The following TPD52 variants were observed in gnomAD, a reference collection of about 807,000 sequenced individuals.
The protein encoded by TPD52 is tumor protein D52, also known as prostate and colon associated protein.
A neutral mutation model predicts 31.3 loss-of-function variants in TPD52; 17 were observed. That is an observed-to-expected ratio of 0.54 (90% CI 0.37 to 0.82). The LOEUF is 0.82. TPD52 is among the 40% of genes least tolerant of loss of function. TPD52 has a pLI of 0.00. For synonymous variants in TPD52, 83 were observed against 89.6 expected (o/e 0.93, Z 0.42); for missense variants, 212 against 240.1 (o/e 0.88, Z 0.77).
chr8:80,034,876 G>T lies in TPD52; in HGVS notation c.*3240C>A, dbSNP rs1214546229. 1 of 152,200 alleles carries T rather than the reference G, an allele frequency of 6.6e-6. No individual in the cohort carries two copies. Among genetic ancestry groups the T allele is most frequent in the Non-Finnish European group, 1.5e-5 (1 of 68,036 alleles). 9.4% of individuals were successfully genotyped at this position (152,200 alleles called of 1,614,324 possible). On this transcript the variant is annotated 3_prime_UTR_variant, in exon 8 of 8. Coordinates refer to ENST00000518937, the MANE Select transcript of TPD52 (RefSeq NM_001025253.3). ...ATGAGAGCTGGCAAGAATTTTAGTT[G>T]CCAAATAGCATTTATTTGAGTACAA...
Position 80,060,081 on chromosome 8 carries a change from T to C in TPD52, c.135+4397A>G, listed in dbSNP as rs532876425. On this transcript the variant is annotated intron_variant, in intron 2 of 7. Coordinates refer to ENST00000518937, the MANE Select transcript of TPD52 (RefSeq NM_001025253.3). ...ACCTGGGTGACAGAGCAAGACTCCA[T>C]CTCAAAAAAAAAAAAGAAAAGAAAA... 3.1e-5 allele frequency among the ~76,000 whole-genome samples: 4 copies of C among 127,386 alleles called. No individual in the cohort carries two copies. In the East Asian group the frequency reaches 8.9e-4, roughly 28 times the overall value. 83.6% of individuals were successfully genotyped at this position (127,386 alleles called of 152,430 possible).
chr8:80,070,464 A>T (rs903773412), intron 1 of TPD52, among the ~76,000 whole-genome samples: 2 of 152,146 alleles, frequency 1.3e-5, no homozygotes, highest in Non-Finnish European at 2.9e-5. Context: ...TTTTGAGAGG[A>T]AACTGTTCCA....
intron 1 of TPD52, among the ~76,000 whole-genome samples, chr8:80,082,865 G>T (rs1217401088): frequency 6.6e-6 from 1 of 152,208 alleles, no homozygotes; most frequent in Admixed American, 6.5e-5. Flanking sequence ...TAATAAATGT[G>T]AGCATTTCAA....
chr8:80,105,335 CT>C (rs905706797), intron 1 of TPD52, among the ~76,000 whole-genome samples: 18 of 152,302 alleles, frequency 1.2e-4, no homozygotes, highest in Admixed American at 1.1e-3. Context: ...AGATCCACCC[CT>C]GACCTAATCG....
chr8:80,052,123 CT>C (rs1366689315), intron 3 of TPD52, among the ~76,000 whole-genome samples: 2 of 152,182 alleles, frequency 1.3e-5, no homozygotes, highest in Non-Finnish European at 1.5e-5. Flanking sequence ...TATGGGCATA[CT>C]TTCTAAAAAT....
At chr8:80,053,213 C>T (rs987619388) in intron 3 of TPD52, 69 bp downstream of exon 3, 141 of 1,510,064 alleles carry the variant, frequency 9.3e-5, no homozygotes, top group Admixed American at 3.7e-4. Flanking sequence ...TTTTCTTCCC[C>T]TCTCCAGACA....
At chr8:80,066,505 C>A (rs1397030596) in intron 1 of TPD52, among the ~76,000 whole-genome samples, 2 of 152,196 alleles carry the variant, frequency 1.3e-5, no homozygotes, top group Admixed American at 6.5e-5. Context: ...TTCCGCAGGT[C>A]TTCCTCTAAA....
chr8:80,076,013 A>T (rs1814493699), intron 1 of TPD52, among the ~76,000 whole-genome samples: 1 of 152,254 alleles, frequency 6.6e-6, no homozygotes, highest in Non-Finnish European at 1.5e-5. Flanking sequence ...TAGAGTATCA[A>T]ATATGATCGT....
At chr8:80,080,301 A>G (rs973011880) in intron 1 of TPD52, 2 of 1,613,200 alleles carry the variant, frequency 1.2e-6, no homozygotes, top group South Asian at 2.2e-5. Context: ...TAACTTTACA[A>G]AATTAGTAGT....
At chr8:80,094,431 T>G (rs1332782376) in intron 1 of TPD52, among the ~76,000 whole-genome samples, 1 of 2,800 alleles carries the variant, frequency 3.6e-4, no homozygotes, top group Non-Finnish European at 1.1e-3. Flanking sequence ...AAGAAAATTT[T>G]ATATATATAT....
At chr8:80,146,813 C>A (rs1331500302) in intron 1 of TPD52, among the ~76,000 whole-genome samples, 1 of 152,176 alleles carries the variant, frequency 6.6e-6, no homozygotes, top group Non-Finnish European at 1.5e-5. Flanking sequence ...TGCTCCATGA[C>A]ATGGAGCTGA....
chr8:80,058,996 C>T (rs1031575145), intron 2 of TPD52, among the ~76,000 whole-genome samples: 1 of 152,142 alleles, frequency 6.6e-6, no homozygotes, highest in Non-Finnish European at 1.5e-5. Context: ...GAACAGCTCA[C>T]CCCAAATTAG....
chr8:80,155,371 T>A lies in TPD52; in HGVS notation c.19+16054A>T, dbSNP rs562586400. ...CAAGGAAAGAAATTTACGAAGAAGATTCAGCAAGTGCAACAATGCAGAGGT... is the reference window on the plus strand; with the variant it reads ...CAAGGAAAGAAATTTACGAAGAAGAATCAGCAAGTGCAACAATGCAGAGGT... On this transcript the variant is annotated intron_variant, in intron 1 of 7. Transcript: ENST00000518937. Among the ~76,000 whole-genome samples, 102 of 152,232 alleles carry A rather than the reference T, an allele frequency of 6.7e-4. 1 individual carries two copies. Among genetic ancestry groups the A allele is most frequent in the Admixed American group, 2.0e-3 (30 of 15,290 alleles).
At chr8:80,144,916 T>A (rs1810089415) in intron 1 of TPD52, among the ~76,000 whole-genome samples, 1 of 152,136 alleles carries the variant, frequency 6.6e-6, no homozygotes, top group South Asian at 2.1e-4. Flanking sequence ...GCATAGTATC[T>A]ATTCAAAGCC....
At chr8:80,114,747 C>T (rs1563636740) in intron 1 of TPD52, among the ~76,000 whole-genome samples, 2 of 152,190 alleles carry the variant, frequency 1.3e-5, no homozygotes. Context: ...GCTGCCTTGC[C>T]TATACCACAA....
At chr8:80,062,496 T>C (rs867783404) in intron 2 of TPD52, among the ~76,000 whole-genome samples, 6 of 152,188 alleles carry the variant, frequency 3.9e-5, no homozygotes, top group African/African-American at 1.4e-4. Flanking sequence ...TTCTTAGATA[T>C]CACACCAAAA....
At chr8:80,094,728 ATTATATC>A (rs1336430901) in intron 1 of TPD52, among the ~76,000 whole-genome samples, 5 of 151,430 alleles carry the variant, frequency 3.3e-5, no homozygotes, top group African/African-American at 7.3e-5. Flanking sequence ...AAAATCACAA[ATTATATC>A]TTATATACAC....
At chr8:80,139,291 TAA>T in intron 1 of TPD52, among the ~76,000 whole-genome samples, 1 of 152,322 alleles carries the variant, frequency 6.6e-6, no homozygotes, top group South Asian at 2.1e-4. Flanking sequence ...TATTTTTTTA[TAA>T]AGAGTATGGT....
intron 1 of TPD52, among the ~76,000 whole-genome samples, chr8:80,065,325 G>A (rs535440437): frequency 1.6e-4 from 24 of 149,464 alleles, no homozygotes; most frequent in African/African-American, 5.4e-4. Flanking sequence ...ATATCATCCA[G>A]ATACCCTTAT....
Sources: gnomAD v4.1 joint callset for allele counts (sites outside exome capture counted in the v4.1 genomes callset) on GRCh38, gnomAD v4.1.1 for gene constraint, MANE v1.5 for transcripts, NCBI Gene and HGNC (gene_info 2026-07-23, HGNC 2026-07-21) for gene names.